Variants in SEC24A observed in about 807,000 individuals in gnomAD.
SEC24A encodes SEC24 homolog A, COPII component, also known as protein transport protein Sec24A.
A neutral mutation model predicts 129.4 loss-of-function variants in SEC24A; 93 were observed. That is an observed-to-expected ratio of 0.72 (90% CI 0.61 to 0.85). The LOEUF (loss-of-function observed/expected upper bound fraction) is 0.85, where lower values mean the gene tolerates loss of function less well. Ranked by LOEUF, SEC24A falls within the 40% of genes least tolerant of loss-of-function variation. The pLI, the probability that SEC24A is intolerant of heterozygous loss-of-function variation, is 0.00. For missense variants in SEC24A, 1,264 were observed against 1,307.4 expected, an observed-to-expected ratio of 0.97 and a Z score of 0.51; for synonymous variants, 460 against 467.3, an observed-to-expected ratio of 0.98 and a Z score of 0.20.
chr5:134,665,325 G>C (rs960832170), intron 2 of SEC24A, among the ~76,000 whole-genome samples: 1 of 150,680 alleles, frequency 6.6e-6, no homozygotes, highest in Non-Finnish European at 1.5e-5. Context: ...GTGGTGGCGC[G>C]CACTTGTGGA....
intron 1 of SEC24A, among the ~76,000 whole-genome samples, chr5:134,659,325 G>A (rs1750364756): frequency 6.6e-6 from 1 of 151,994 alleles, no homozygotes; most frequent in African/African-American, 2.4e-5. Context: ...GCCCGCCTTG[G>A]CCTCCCAAAG....
chr5:134,661,049 GTT>G, intron 1 of SEC24A, 68 bp from the exon 2 acceptor site: 2 of 1,095,914 alleles, frequency 1.8e-6, no homozygotes, highest in Non-Finnish European at 2.7e-6. Context: ...AAGAATATAT[GTT>G]TTACTTTATT....
At chr5:134,700,154 A>G (rs1580725970) in intron 15 of SEC24A, among the ~76,000 whole-genome samples, 1 of 151,716 alleles carries the variant, frequency 6.6e-6, no homozygotes, top group African/African-American at 2.4e-5. Flanking sequence ...GCACAGATTG[A>G]GTTTTTATTT....
At position 134,725,322 on chromosome 5, in the gene SEC24A, G is replaced by A. The variant is rs1162785158; in HGVS notation, c.*228G>A. 4 of 340,010 alleles carry A rather than the reference G, an allele frequency of 1.2e-5. No homozygotes were observed. The highest frequency in any genetic ancestry group is 1.6e-5 in the Non-Finnish European group (3 of 189,574). The allele number at this position is 340,010 out of a possible 1,614,324, so 21.1% of individuals were successfully genotyped here. On this transcript the variant is annotated 3_prime_UTR_variant, in exon 23 of 23. Transcript: ENST00000398844. ...AATCAGAATATAGCTACGTATGATT[G>A]GATACTTTTTTCTTGCCAATTATGT... is the stretch of plus-strand genomic sequence containing the variant.
At position 134,661,323 on chromosome 5, in the gene SEC24A, A is replaced by C. The variant is rs201183981; in HGVS notation, c.302A>C (p.His101Pro). Residue 101 changes from histidine to proline, a missense_variant, in exon 2 of 23, where the codon CAT becomes CCT. Transcript: ENST00000398844. Reference protein sequence around the residue: ...VASNPVTPSLHSGPAPRMPLP... With the variant: ...VASNPVTPSLPSGPAPRMPLP... ...TCTAATCCAGTGACACCTTCGCTTC[A>C]TAGTGGTCCTGCTCCCCGAATGCCA... 6.6e-5 allele frequency: 106 copies of C among 1,614,072 alleles called. No homozygotes were observed. Among genetic ancestry groups the C allele is most frequent in the Admixed American group, 6.7e-5 (4 of 59,982 alleles).
intron 13 of SEC24A, among the ~76,000 whole-genome samples, chr5:134,695,450 G>A (rs145550821): frequency 1.3e-5 from 2 of 152,136 alleles, no homozygotes; most frequent in Middle Eastern, 3.4e-3. Context: ...TCAGGAGTTC[G>A]AGACCAGCCT....
chr5:134,667,208 G>A (rs1256267761), intron 3 of SEC24A, among the ~76,000 whole-genome samples: 2 of 152,100 alleles, frequency 1.3e-5, no homozygotes, highest in Non-Finnish European at 2.9e-5. Flanking sequence ...AAAGCTCTTA[G>A]TGTTTTGTTA....
rs913653100 is a variant in SEC24A, at chr5:134,648,824, C to A, written c.-253C>A. The A allele has an allele frequency of 2.8e-6, 1 of 353,886 alleles. No individual in the cohort carries two copies. The highest frequency in any genetic ancestry group is 5.2e-6 in the Non-Finnish European group (1 of 192,114). 21.9% of individuals were successfully genotyped at this position (353,886 alleles called of 1,614,324 possible). On this transcript the variant is annotated 5_prime_UTR_variant, in exon 1 of 23. In the 5' UTR this introduces an upstream ATG that the reference lacks. Coordinates refer to ENST00000398844, the MANE Select transcript of SEC24A (RefSeq NM_021982.3). ...CCTCCCTCCTTCTCTCTAGGTTTGG[C>A]TGCCGCCTTCTAGCCGGGCGTTCGC...
At chr5:134,680,480 C>A (rs1175524042) in intron 8 of SEC24A, among the ~76,000 whole-genome samples, 1 of 151,250 alleles carries the variant, frequency 6.6e-6, no homozygotes, top group African/African-American at 2.4e-5. Flanking sequence ...TTACAGGCAT[C>A]CACCACCACG....
intron 1 of SEC24A, among the ~76,000 whole-genome samples, chr5:134,653,402 C>T (rs1341578053): frequency 6.6e-6 from 1 of 152,142 alleles, no homozygotes; most frequent in African/African-American, 2.4e-5. Context: ...GGCACATGCC[C>T]TGAAACCTGG....
In SEC24A at chr5:134,675,126, C is replaced by T. The variant is rs777577607; in HGVS notation, c.1060C>T (p.Leu354Phe). The change falls in exon 6 of 23, where the codon CTT becomes TTT. Residue 354 changes from leucine (L) to phenylalanine (F), a missense_variant. Transcript: ENST00000398844. ...AGAGGGTCTAAGAGTTGTCAATCTT[C>T]TTCAAGAAAGAAACATGCTTCCGTC... ...QPEGLRVVNL[L>F]QERNMLPSTP... 13 of 1,613,674 alleles carry T rather than the reference C, an allele frequency of 8.1e-6. No individual in the cohort carries two copies. The highest frequency in any genetic ancestry group is 9.3e-6 in the Non-Finnish European group (11 of 1,179,692).
chr5:134,677,628 A>G (rs1206965457), intron 7 of SEC24A, among the ~76,000 whole-genome samples: 2 of 151,988 alleles, frequency 1.3e-5, no homozygotes, highest in East Asian at 3.9e-4. Flanking sequence ...ACCTGAGGTC[A>G]GGAATTCAAG....
At chr5:134,656,915 T>C (rs1750267938) in intron 1 of SEC24A, among the ~76,000 whole-genome samples, 1 of 150,676 alleles carries the variant, frequency 6.6e-6, no homozygotes, top group Non-Finnish European at 1.5e-5. Flanking sequence ...GTGGGTGGAG[T>C]GGCTCATGCT....
chr5:134,714,286 A>G (rs1296571939), intron 18 of SEC24A, among the ~76,000 whole-genome samples: 1 of 152,100 alleles, frequency 6.6e-6, no homozygotes, highest in Non-Finnish European at 1.5e-5. Context: ...GCAGTATTCT[A>G]AGTGCACTAC....
intron 17 of SEC24A, 93 bp from the exon 18 acceptor site, chr5:134,708,620 A>G (rs1249590134): frequency 6.3e-6 from 7 of 1,111,864 alleles, no homozygotes; most frequent in African/African-American, 1.6e-5. Flanking sequence ...GATACTTGGT[A>G]TAGTTTTTAA....
chr5:134,696,367 A>G (rs567195907), intron 13 of SEC24A, among the ~76,000 whole-genome samples: 29 of 152,092 alleles, frequency 1.9e-4, no homozygotes, highest in Admixed American at 7.2e-4. Flanking sequence ...TGTTTAGAAC[A>G]GTTTCCAGCA....
intron 15 of SEC24A, among the ~76,000 whole-genome samples, chr5:134,702,892 G>A (rs1027127959): frequency 6.6e-6 from 1 of 151,856 alleles, no homozygotes; most frequent in African/African-American, 2.4e-5. Flanking sequence ...AACCTCCCGA[G>A]TAGCTGGGAC....
At chr5:134,655,634 C>G (rs1001907431) in intron 1 of SEC24A, among the ~76,000 whole-genome samples, 1 of 152,092 alleles carries the variant, frequency 6.6e-6, no homozygotes, top group African/African-American at 2.4e-5. Context: ...TGACATTGCA[C>G]TGCAGCCTGG....
intron 1 of SEC24A, among the ~76,000 whole-genome samples, chr5:134,650,692 C>T (rs1197823090): frequency 2.0e-5 from 3 of 151,972 alleles, no homozygotes; most frequent in African/African-American, 4.8e-5. Flanking sequence ...GCCTGATCCA[C>T]GGTACCCAGA....
Sources: allele counts gnomAD v4.1 joint callset (sites outside exome capture counted in the v4.1 genomes callset), GRCh38; gene constraint gnomAD v4.1.1; transcripts MANE v1.5; gene names NCBI Gene and HGNC (gene_info 2026-07-23, HGNC 2026-07-21).